MYEF2: variants seen among roughly 807,000 people sequenced by gnomAD.
MYEF2 encodes the protein myelin gene expression factor 2.
In MYEF2, 37 loss-of-function variants were observed where a neutral mutation model predicts 75.2. That is an observed-to-expected ratio of 0.49 (90% CI 0.38 to 0.65). The LOEUF (loss-of-function observed/expected upper bound fraction) is 0.65, where lower values mean the gene tolerates loss of function less well. Ranked by LOEUF, MYEF2 falls within the 30% of genes least tolerant of loss-of-function variation. The pLI is 0.00. For synonymous variants in MYEF2, 195 were observed against 241.6 expected, an observed-to-expected ratio of 0.81 and a Z score of 1.79; for missense variants, 634 against 771.4, an observed-to-expected ratio of 0.82 and a Z score of 2.11.
At chr15:48,161,842 T>C (rs2039953683) in intron 5 of MYEF2, among the ~76,000 whole-genome samples, 1 of 146,002 alleles carries the variant, frequency 6.8e-6, no homozygotes, top group African/African-American at 2.5e-5. Context: ...GTTTTTGCCA[T>C]TATTTTAATT....
In MYEF2 at chr15:48,141,122, T is replaced by C; in HGVS notation, c.*1786A>G. 2 of 1,612,584 alleles carry C rather than the reference T, an allele frequency of 1.2e-6. No homozygotes were observed. Among genetic ancestry groups the C allele is most frequent in the Non-Finnish European group, 1.7e-6 (2 of 1,178,780 alleles). On this transcript the variant is annotated 3_prime_UTR_variant, in exon 17 of 17. Transcript: ENST00000324324. ...TATCTGTTTATTACAGGGGAAACACTAGAAATTCCCGATACAGTAATGGGC... is the reference window on the plus strand; with the variant it reads ...TATCTGTTTATTACAGGGGAAACACCAGAAATTCCCGATACAGTAATGGGC...
At chr15:48,151,354 T>C in intron 13 of MYEF2, 119 bp downstream of exon 13, 7 of 1,088,534 alleles carry the variant, frequency 6.4e-6, no homozygotes, top group Non-Finnish European at 9.7e-6. Context: ...AAGTGTTTTC[T>C]TCAGGTAATA....
chr15:48,141,255 A>C lies in MYEF2; in HGVS notation c.*1653T>G. On this transcript the variant is annotated 3_prime_UTR_variant, in exon 17 of 17. Coordinates refer to ENST00000324324, the MANE Select transcript of MYEF2 (RefSeq NM_016132.5). ...CTCAAGCTGCAATGGTCATTCTACAAGGCTAGAATGAGTAAAAGTAGCTTT... is the reference window on the plus strand; with the variant it reads ...CTCAAGCTGCAATGGTCATTCTACACGGCTAGAATGAGTAAAAGTAGCTTT... 7.0e-7 allele frequency: 1 copy of C among 1,437,040 alleles called. No homozygotes were observed. The highest frequency in any genetic ancestry group is 9.8e-7 in the Non-Finnish European group (1 of 1,021,042). The allele number at this position is 1,437,040 out of a possible 1,614,324, so 89.0% of individuals were successfully genotyped here.
At position 48,141,926 on chromosome 15, in the gene MYEF2, G is replaced by T. The variant is rs776460023; in HGVS notation, c.*982C>A. 2.0e-4 allele frequency: 174 copies of T among 886,516 alleles called. No homozygotes were observed. The highest frequency in any genetic ancestry group is 2.7e-4 in the Non-Finnish European group (167 of 611,626). The allele number at this position is 886,516 out of a possible 1,614,324, so 54.9% of individuals were successfully genotyped here. ...TGCTCTAACAACAATTTTTCAAAAC[G>T]AATCAACAACAAAAAAGTATCCAGT... On this transcript the variant is annotated 3_prime_UTR_variant, in exon 17 of 17. Transcript: ENST00000324324.
intron 16 of MYEF2, among the ~76,000 whole-genome samples, chr15:48,144,953 C>T (rs2039223943): frequency 6.6e-6 from 1 of 151,828 alleles, no homozygotes; most frequent in African/African-American, 2.4e-5. Flanking sequence ...ATCTTCAAAA[C>T]CTCAAAAGAA....
At chr15:48,155,774 ATTTT>A (rs34221232) in intron 9 of MYEF2, among the ~76,000 whole-genome samples, 1 of 102,334 alleles carries the variant, frequency 9.8e-6, no homozygotes, top group Admixed American at 1.0e-4. Flanking sequence ...CATAATGGTA[ATTTT>A]TTTTTTTTTT....
At chr15:48,176,801 T>G (rs1297389304) in intron 1 of MYEF2, among the ~76,000 whole-genome samples, 1 of 152,228 alleles carries the variant, frequency 6.6e-6, no homozygotes, top group African/African-American at 2.4e-5. Context: ...TTCATTCCCT[T>G]TCTGGTTCCT....
intron 16 of MYEF2, among the ~76,000 whole-genome samples, chr15:48,146,157 G>A (rs2039274428): frequency 6.6e-6 from 1 of 151,928 alleles, no homozygotes; most frequent in South Asian, 2.1e-4. Context: ...TGCAGCTAAA[G>A]TATACAGATG....
At chr15:48,164,838 T>G (rs763164989) in intron 5 of MYEF2, among the ~76,000 whole-genome samples, 20 of 152,204 alleles carry the variant, frequency 1.3e-4, no homozygotes, top group Non-Finnish European at 1.2e-4. Flanking sequence ...ATGTATATTG[T>G]GCTTTTAGAC....
chr15:48,135,683 T>G lies in MYEF2; in HGVS notation c.*7225A>C, dbSNP rs2038878172. The G allele has an allele frequency of 6.6e-6, 1 of 150,594 alleles. No individual in the cohort carries two copies. The highest frequency in any genetic ancestry group is 2.5e-5 in the African/African-American group (1 of 40,596). 9.3% of individuals were successfully genotyped at this position (150,594 alleles called of 1,614,324 possible). A position where few individuals can be genotyped will look rare whatever the true frequency, so the allele number is the denominator to read the frequency against. On this transcript the variant is annotated 3_prime_UTR_variant, in exon 17 of 17. Coordinates refer to ENST00000324324, the MANE Select transcript of MYEF2 (RefSeq NM_016132.5). ...AGCTACACAGGTTATATACATTGCA[T>G]AACTCCAGAGGACACCAGAAAAATA...
chr15:48,136,945 CT>C lies in MYEF2; in HGVS notation c.*5962del. 1 of 1,609,120 alleles carries C rather than the reference CT, an allele frequency of 6.2e-7. No individual in the cohort carries two copies. The highest frequency in any genetic ancestry group is 1.1e-5 in the South Asian group (1 of 90,694). On this transcript the variant is annotated 3_prime_UTR_variant, in exon 17 of 17. Coordinates refer to ENST00000324324, the MANE Select transcript of MYEF2 (RefSeq NM_016132.5). ...TCAGCTCTCTATAAGTTTACATGGC[CT>C]TAGTCAGGTTTCTGAAGGTAATCAC...
Position 48,146,781 on chromosome 15 carries a change from A to G in MYEF2, c.1639+2251T>C, listed in dbSNP as rs565255320. ...CCATTACTGGCTTGCAGCATGTTAA[A>G]AAGAAATGTCTCATACTAAGAAAAA... On this transcript the variant is annotated intron_variant, in intron 16 of 16. Transcript: ENST00000324324. 4.6e-5 allele frequency among the ~76,000 whole-genome samples: 7 copies of G among 152,156 alleles called. No individual in the cohort carries two copies. The South Asian group carries it at 1.4e-3, about 32-fold the overall frequency.
In MYEF2 at chr15:48,134,838, TGAA is replaced by T. The variant is rs1349731410; in HGVS notation, c.*8067_*8069del. On this transcript the variant is annotated 3_prime_UTR_variant, in exon 17 of 17. Coordinates refer to ENST00000324324, the MANE Select transcript of MYEF2 (RefSeq NM_016132.5). ...TTAGTATTATACTAAGGATTGTACTTGAAGAAGTTACAATGTAATGGAAATAAT... is the reference window on the plus strand; with the variant it reads ...TTAGTATTATACTAAGGATTGTACTTGAAGTTACAATGTAATGGAAATAAT... The T allele has an allele frequency of 7.2e-7, 1 of 1,398,442 alleles. No homozygotes were observed. The highest frequency in any genetic ancestry group is 1.0e-6 in the Non-Finnish European group (1 of 996,836). The allele number at this position is 1,398,442 out of a possible 1,614,324, so 86.6% of individuals were successfully genotyped here.
chr15:48,148,512 T>C (rs932898425), intron 16 of MYEF2, among the ~76,000 whole-genome samples: 1 of 151,956 alleles, frequency 6.6e-6, no homozygotes, highest in Non-Finnish European at 1.5e-5. Flanking sequence ...TTCCTGACAG[T>C]GGGTTGTATG....
rs770024680 is a variant in MYEF2, at chr15:48,153,859, C to T, written c.1020G>A (p.Pro340=). Residue 340 remains proline (P), a synonymous_variant, in exon 10 of 17, where the codon CCG becomes CCA. Transcript: ENST00000324324. ...GLGGIGMGLG[P]GGQPISASQL... is the part of the protein sequence containing the mutation. ...GGCTGGCACTAATAGGCTGTCCACC[C>T]GGACCAAGTCCCATCCCAATGCCTC... 2.5e-5 allele frequency: 41 copies of T among 1,613,110 alleles called. No homozygotes were observed. The East Asian group carries it at 4.9e-4, about 19-fold the overall frequency.
At chr15:48,150,389 T>G (rs2039447318) in intron 14 of MYEF2, among the ~76,000 whole-genome samples, 1 of 152,046 alleles carries the variant, frequency 6.6e-6, no homozygotes, top group Non-Finnish European at 1.5e-5. Context: ...TTAGAATAGT[T>G]TAAATAGGTT....
chr15:48,175,871 T>C (rs2040499998), intron 1 of MYEF2, among the ~76,000 whole-genome samples: 1 of 152,164 alleles, frequency 6.6e-6, no homozygotes, highest in African/African-American at 2.4e-5. Flanking sequence ...AACGGATCTT[T>C]TCTAAAGGTG....
intron 9 of MYEF2, 66 bp downstream of exon 9, chr15:48,157,927 T>C: frequency 1.3e-6 from 2 of 1,588,982 alleles, no homozygotes; most frequent in Non-Finnish European, 1.7e-6. Context: ...AACAAAGTGT[T>C]GCTTAGCACA....
In MYEF2 at chr15:48,168,692, G is replaced by A; in HGVS notation, c.309C>T (p.Phe103=). The A allele has an allele frequency of 6.2e-7, 1 of 1,613,858 alleles. No individual in the cohort carries two copies. The highest frequency in any genetic ancestry group is 8.5e-7 in the Non-Finnish European group (1 of 1,179,850). Residue 103 remains phenylalanine, a synonymous_variant, in exon 2 of 17, where the codon TTC becomes TTT. Coordinates refer to ENST00000324324, the MANE Select transcript of MYEF2 (RefSeq NM_016132.5). Reference sequence around the variant, plus strand: ...TCATGTCATATGGGATGTTGCTAATGAAAACTCTGTTACGATTTGGACCCT... The same window carrying A: ...TCATGTCATATGGGATGTTGCTAATAAAAACTCTGTTACGATTTGGACCCT... ...EKKGPNRNRV[F]ISNIPYDMKW...
Sources: gnomAD v4.1 joint callset for allele counts (sites outside exome capture counted in the v4.1 genomes callset) on GRCh38, gnomAD v4.1.1 for gene constraint, MANE v1.5 for transcripts, NCBI Gene and HGNC (gene_info 2026-07-23, HGNC 2026-07-21) for gene names.